FAM234B: variants seen among roughly 807,000 people sequenced by gnomAD.
FAM234B encodes family with sequence similarity 234 member B, also known as protein FAM234B.
A neutral mutation model predicts 69.3 loss-of-function variants in FAM234B; 33 were observed. The ratio of observed to expected loss-of-function variants is 0.48; its 90% CI spans 0.36 to 0.64. The LOEUF is 0.64. Ranked by LOEUF, FAM234B falls within the 30% of genes least tolerant of loss-of-function variation. The pLI is 0.00. For synonymous variants in FAM234B, 306 were observed against 306.9 expected, an observed-to-expected ratio of 1.00 and a Z score of 0.03; for missense variants, 697 against 769.7, an observed-to-expected ratio of 0.91 and a Z score of 1.12.
intron 9 of FAM234B, among the ~76,000 whole-genome samples, chr12:13,070,085 A>G (rs767592429): frequency 3.3e-5 from 5 of 151,578 alleles, no homozygotes; most frequent in Admixed American, 6.6e-5. Flanking sequence ...CAGTTTCTGC[A>G]TTTATAAAAC....
chr12:13,062,889 A>G lies in FAM234B; in HGVS notation c.766A>G (p.Thr256Ala), dbSNP rs1223559395. 13 of 1,613,960 alleles carry G rather than the reference A, an allele frequency of 8.1e-6. No homozygotes were observed. Among genetic ancestry groups the G allele is most frequent in the Non-Finnish European group, 1.0e-5 (12 of 1,179,952 alleles). Residue 256 changes from threonine (T) to alanine (A), a missense_variant, in exon 5 of 13, where the codon ACC (threonine) becomes GCC (alanine). Coordinates refer to ENST00000197268, the MANE Select transcript of FAM234B (RefSeq NM_020853.2). ...TLNPNYLSNGTLAAPVVVLPD... is the reference protein window; with the variant it reads ...TLNPNYLSNGALAAPVVVLPD... Reference sequence around the variant, plus strand: ...AAACCCAAACTACTTGTCCAACGGTACCTTGGCTGCCCCAGTTGTGGTACT... The same window carrying G: ...AAACCCAAACTACTTGTCCAACGGTGCCTTGGCTGCCCCAGTTGTGGTACT...
chr12:13,076,229 C>T (rs2120506489), intron 11 of FAM234B, 86 bp downstream of exon 11: 1 of 1,014,532 alleles, frequency 9.9e-7, no homozygotes, highest in Non-Finnish European at 1.5e-6. Context: ...ATTGCCCCAC[C>T]CAGGGAAGGA....
Position 13,081,251 on chromosome 12 carries a change from C to G in FAM234B, c.*621C>G, listed in dbSNP as rs1865223181. The stretch of plus-strand genomic sequence containing the variant: ...ACTGAGTTAGCCATCCAAGCATTTT[C>G]ATCTCTCTTGTTTTATATCCTATTT... On this transcript the variant is annotated 3_prime_UTR_variant, in exon 13 of 13. Coordinates refer to ENST00000197268, the MANE Select transcript of FAM234B (RefSeq NM_020853.2). 6.6e-6 allele frequency: 1 copy of G among 152,196 alleles called. No homozygotes were observed. Among genetic ancestry groups the G allele is most frequent in the South Asian group, 2.1e-4 (1 of 4,824 alleles). 9.4% of individuals were successfully genotyped at this position (152,196 alleles called of 1,614,324 possible).
intron 1 of FAM234B, among the ~76,000 whole-genome samples, chr12:13,046,829 C>T (rs1025212231): frequency 1.3e-5 from 2 of 152,180 alleles, no homozygotes; most frequent in African/African-American, 2.4e-5. Flanking sequence ...GAGACAGGCT[C>T]GGGTTCAAAT....
intron 10 of FAM234B, 52 bp from the exon 11 acceptor site, chr12:13,075,974 G>A (rs997251053): frequency 1.6e-5 from 20 of 1,279,688 alleles, no homozygotes; most frequent in Middle Eastern, 1.8e-4. Flanking sequence ...GGACTGTCAC[G>A]TGTGGGAATG....
chr12:13,078,123 T>C (rs1317422836), intron 11 of FAM234B, among the ~76,000 whole-genome samples: 1 of 151,790 alleles, frequency 6.6e-6, no homozygotes, highest in Non-Finnish European at 1.5e-5. Flanking sequence ...GTTGTTTGTT[T>C]TTTTCTTGTA....
chr12:13,063,266 C>T (rs1017890296), intron 5 of FAM234B, among the ~76,000 whole-genome samples: 20 of 152,026 alleles, frequency 1.3e-4, no homozygotes, highest in African/African-American at 4.1e-4. Flanking sequence ...TTGGGCAAGC[C>T]GTGGAGCCTG....
At chr12:13,061,040 C>T (rs910472699) in intron 3 of FAM234B, among the ~76,000 whole-genome samples, 1 of 152,152 alleles carries the variant, frequency 6.6e-6, no homozygotes, top group Admixed American at 6.5e-5. Flanking sequence ...AAATATTTTT[C>T]TGCTCTCAGG....
rs1026958609 is a variant in FAM234B at position 13,081,813 on chromosome 12, G to A, written c.*1183G>A. 6.6e-6 allele frequency: 1 copy of A among 152,090 alleles called. No homozygotes were observed. Among genetic ancestry groups the A allele is most frequent in the African/African-American group, 2.4e-5 (1 of 41,410 alleles). The allele number at this position is 152,090 out of a possible 1,614,324, so 9.4% of individuals were successfully genotyped here. A position where few individuals can be genotyped will look rare whatever the true frequency, so the allele number is the denominator to read the frequency against. On this transcript the variant is annotated 3_prime_UTR_variant, in exon 13 of 13. Coordinates refer to ENST00000197268, the MANE Select transcript of FAM234B (RefSeq NM_020853.2). ...TGTATAAATCTGCTACTTCAATTAA[G>A]TTCTCCTCTAAACTTTTAGGTCATT...
At chr12:13,079,199 T>C (rs1162973521) in intron 11 of FAM234B, among the ~76,000 whole-genome samples, 1 of 152,000 alleles carries the variant, frequency 6.6e-6, no homozygotes, top group Non-Finnish European at 1.5e-5. Flanking sequence ...GAGATATAGA[T>C]CAATGGAACA....
intron 9 of FAM234B, 141 bp from the exon 10 acceptor site, chr12:13,071,100 C>T: frequency 1.2e-6 from 1 of 824,024 alleles, no homozygotes; most frequent in Non-Finnish European, 2.0e-6. Flanking sequence ...TCTCGGAACA[C>T]CCAGTTTGCT....
Position 13,044,577 on chromosome 12 carries a change from G to A in FAM234B, c.37+137G>A. 2 of 916,552 alleles carry A rather than the reference G, an allele frequency of 2.2e-6. No individual in the cohort carries two copies. Among genetic ancestry groups the A allele is most frequent in the Non-Finnish European group, 3.3e-6 (2 of 598,120 alleles). 56.8% of individuals were successfully genotyped at this position (916,552 alleles called of 1,614,324 possible). ...GCAGGCGCCCGGTGCCGAGGAGGGT[G>A]CAGTCCCTTGGGGCTGGGGTCTCTG... On this transcript the variant is annotated intron_variant, in intron 1 of 12. Transcript: ENST00000197268. This position sits in a 1 kb window ranked among gnomAD's most constrained non-coding sequence, Gnocchi z 5.6.
rs1031122931 is a variant in FAM234B at position 13,082,124 on chromosome 12, A to C, written c.*1494A>C. On this transcript the variant is annotated 3_prime_UTR_variant, in exon 13 of 13. Coordinates refer to ENST00000197268, the MANE Select transcript of FAM234B (RefSeq NM_020853.2). ...CAGGTGCCCGCTACCATGCCTGGCT[A>C]ATTTTTTTTTTTGTATTTTTAGTAG... 1.3e-5 allele frequency: 2 copies of C among 151,220 alleles called. No individual in the cohort carries two copies. Among genetic ancestry groups the C allele is most frequent in the Admixed American group, 1.3e-4 (2 of 15,162 alleles). The allele number at this position is 151,220 out of a possible 1,614,324, so 9.4% of individuals were successfully genotyped here.
At chr12:13,052,371 T>C (rs1230165465) in intron 1 of FAM234B, among the ~76,000 whole-genome samples, 2 of 152,162 alleles carry the variant, frequency 1.3e-5, no homozygotes, top group African/African-American at 4.8e-5. Flanking sequence ...CTTGCTGTGC[T>C]TTCTCAAGTA....
At chr12:13,065,586 C>T (rs940306146) in intron 5 of FAM234B, among the ~76,000 whole-genome samples, 1 of 152,054 alleles carries the variant, frequency 6.6e-6, no homozygotes, top group African/African-American at 2.4e-5. Context: ...TATTAATAGA[C>T]CAGTTTATTT....
chr12:13,075,520 C>T (rs1022024649), intron 10 of FAM234B, among the ~76,000 whole-genome samples: 4 of 150,950 alleles, frequency 2.6e-5, no homozygotes, highest in African/African-American at 9.7e-5. Flanking sequence ...TCACTGCAAC[C>T]TGTGCCTCCC....
chr12:13,079,022 A>G (rs1865194040), intron 11 of FAM234B, among the ~76,000 whole-genome samples: 1 of 151,942 alleles, frequency 6.6e-6, no homozygotes, highest in African/African-American at 2.4e-5. Context: ...CTTTCTTCAC[A>G]GAATTGGAAA....
At chr12:13,080,161 A>T (rs955235285) in intron 12 of FAM234B, 152 bp downstream of exon 12, 30 of 600,230 alleles carry the variant, frequency 5.0e-5, no homozygotes, top group Non-Finnish European at 8.2e-5. Flanking sequence ...TTTCCTATGG[A>T]TGCCTTCTGA....
intron 3 of FAM234B, among the ~76,000 whole-genome samples, chr12:13,060,374 C>G (rs1864971784): frequency 6.6e-6 from 1 of 152,206 alleles, no homozygotes; most frequent in African/African-American, 2.4e-5. Context: ...CTCTAGAGTT[C>G]TGATGGTTAC....
Sources: gnomAD v4.1 joint callset for allele counts (sites outside exome capture counted in the v4.1 genomes callset) on GRCh38, gnomAD v4.1.1 for gene constraint, Gnocchi (gnomAD v3.1) non-coding constraint, MANE v1.5 for transcripts, NCBI Gene and HGNC (gene_info 2026-07-23, HGNC 2026-07-21) for gene names.